Variants in NTAQ1 observed in about 807,000 individuals in gnomAD.
NTAQ1 encodes N-terminal glutamine amidase 1, also known as protein N-terminal glutamine amidohydrolase.
Under a neutral mutation model 28.2 loss-of-function variants are expected in NTAQ1, and 21 were observed. The ratio of observed to expected loss-of-function variants is 0.74; its 90% CI spans 0.53 to 1.07. The LOEUF is 1.07. Ranked by LOEUF, NTAQ1 falls within the 50% of genes least tolerant of loss-of-function variation. NTAQ1 has a pLI of 0.00. For synonymous variants in NTAQ1, 105 were observed against 90.0 expected (o/e 1.17, Z -0.94); for missense variants, 264 against 256.6 (o/e 1.03, Z -0.20).
chr8:123,419,380 T>G, intron 1 of NTAQ1, among the ~76,000 whole-genome samples: 1 of 152,138 alleles, frequency 6.6e-6, no homozygotes, highest in Non-Finnish European at 1.5e-5. Flanking sequence ...ATTACAGGTG[T>G]GAGTCACCGT....
intron 5 of NTAQ1, among the ~76,000 whole-genome samples, chr8:123,440,146 C>CTTTTTTTTTTTTTT (rs577877415): frequency 1.8e-5 from 1 of 56,570 alleles, no homozygotes; most frequent in African/African-American, 7.5e-5. Context: ...GGATTAACTC[C>CTTTTTTTTTTTTTT]TTTTTTTTTT....
At chr8:123,465,537 A>G (rs1815939555) in intron 6 of NTAQ1, among the ~76,000 whole-genome samples, 1 of 133,654 alleles carries the variant, frequency 7.5e-6, no homozygotes, top group Non-Finnish European at 1.6e-5. Flanking sequence ...TATAGTACGT[A>G]CCCTTTTGAG....
downstream of NTAQ1, among the ~76,000 whole-genome samples, chr8:123,444,017 A>G (rs142002291): frequency 1.0e-3 from 155 of 148,818 alleles, no homozygotes; most frequent in African/African-American, 3.6e-3. Context: ...ACTGTTATTT[A>G]TGTCTCTCTG....
downstream of NTAQ1, among the ~76,000 whole-genome samples, chr8:123,446,933 A>G (rs1815314828): frequency 6.6e-6 from 1 of 152,180 alleles, no homozygotes; most frequent in African/African-American, 2.4e-5. Context: ...GAAGCCTGCA[A>G]GTTTTGACCA....
chr8:123,439,641 G>A (rs986695977), intron 5 of NTAQ1, among the ~76,000 whole-genome samples: 5 of 151,268 alleles, frequency 3.3e-5, no homozygotes, highest in Admixed American at 6.6e-5. Context: ...CCACCGCGCC[G>A]GCCACACCTG....
At chr8:123,434,914 CTT>C (rs941014975) in intron 3 of NTAQ1, among the ~76,000 whole-genome samples, 3 of 152,066 alleles carry the variant, frequency 2.0e-5, no homozygotes, top group African/African-American at 7.2e-5. Flanking sequence ...ATTTTTGAAT[CTT>C]TCTGTTTTGC....
At chr8:123,435,409 A>G in intron 3 of NTAQ1, 1 of 950,656 alleles carries the variant, frequency 1.1e-6, no homozygotes, top group Non-Finnish European at 1.3e-6. Flanking sequence ...GTGGTTCCAA[A>G]CTAGAAATTA....
downstream of NTAQ1, among the ~76,000 whole-genome samples, chr8:123,449,958 T>TGTGC (rs1453165844): frequency 1.9e-5 from 1 of 52,992 alleles, no homozygotes; most frequent in African/African-American, 6.4e-5. Context: ...TGCATATATA[T>TGTGC]ATATATATAT....
chr8:123,430,046 A>C lies in NTAQ1; in HGVS notation c.234+13A>C. ...ACCTGTGATCTGGGTAAGACAGTTA[A>C]TACAGAGAGTATTGACGCATTATGA... is the stretch of plus-strand genomic sequence containing the variant. On this transcript the variant is annotated intron_variant, in intron 3 of 5. Coordinates refer to ENST00000287387, the MANE Select transcript of NTAQ1 (RefSeq NM_018024.3). 1 of 1,610,136 alleles carries C rather than the reference A, an allele frequency of 6.2e-7. No homozygotes were observed. The highest frequency in any genetic ancestry group is 8.5e-7 in the Non-Finnish European group (1 of 1,177,310).
At chr8:123,460,235 A>C (rs1815782486) in intron 6 of NTAQ1, among the ~76,000 whole-genome samples, 1 of 152,228 alleles carries the variant, frequency 6.6e-6, no homozygotes, top group African/African-American at 2.4e-5. Context: ...GCACTGCTCA[A>C]AACTACTTAT....
chr8:123,423,611 C>T (rs1046550392), intron 1 of NTAQ1, among the ~76,000 whole-genome samples: 1 of 151,942 alleles, frequency 6.6e-6, no homozygotes, highest in African/African-American at 2.4e-5. Context: ...CTTGTATTTC[C>T]GAGTATAAGA....
chr8:123,459,917 C>T (rs572490031), intron 6 of NTAQ1, among the ~76,000 whole-genome samples: 2 of 151,414 alleles, frequency 1.3e-5, no homozygotes, highest in South Asian at 4.2e-4. Flanking sequence ...TCTCCTGCCT[C>T]AGCCTCCCAA....
At chr8:123,467,467 T>C (rs1238622192) in exon 7 of NTAQ1, among the ~76,000 whole-genome samples, 1 of 152,244 alleles carries the variant, frequency 6.6e-6, no homozygotes, top group Admixed American at 6.5e-5. Context: ...AAGTACCATT[T>C]TGATGTTTGA....
intron 6 of NTAQ1, among the ~76,000 whole-genome samples, chr8:123,460,053 GC>G (rs1278658166): frequency 6.6e-6 from 1 of 151,906 alleles, no homozygotes; most frequent in East Asian, 1.9e-4. Context: ...GCCTGCCTCG[GC>G]CCCCCAAAGG....
chr8:123,416,763 C>G (rs1473485794), upstream of NTAQ1: 22 of 1,303,468 alleles, frequency 1.7e-5, no homozygotes, highest in Non-Finnish European at 2.1e-5. Flanking sequence ...CGCCGGGAAC[C>G]CACGCGGGCC....
At chr8:123,434,126 C>T (rs544841906) in intron 3 of NTAQ1, among the ~76,000 whole-genome samples, 1 of 151,966 alleles carries the variant, frequency 6.6e-6, no homozygotes, top group Non-Finnish European at 1.5e-5. Context: ...CAGGCGCTTA[C>T]CTGCTCCTGC....
downstream of NTAQ1, among the ~76,000 whole-genome samples, chr8:123,452,368 C>CG: frequency 6.6e-6 from 1 of 152,184 alleles, no homozygotes; most frequent in East Asian, 1.9e-4. Context: ...AGGCCAACGC[C>CG]GGTGGATCAC....
At chr8:123,474,343 C>A (rs1032053523), downstream of NTAQ1, among the ~76,000 whole-genome samples, 1 of 152,158 alleles carries the variant, frequency 6.6e-6, no homozygotes, top group Non-Finnish European at 1.5e-5. Flanking sequence ...GAAAGCTGGT[C>A]AGTAACCTTG....
Position 123,441,518 on chromosome 8 carries a change from T to G in NTAQ1, c.*103T>G. On this transcript the variant is annotated 3_prime_UTR_variant, in exon 6 of 6. Coordinates refer to ENST00000287387, the MANE Select transcript of NTAQ1 (RefSeq NM_018024.3). ...TTATGGTACAGTTGGCTTGGAATTA[T>G]GTCTTTCTCTTTTAATTTGATTGAG... 1 of 859,758 alleles carries G rather than the reference T, an allele frequency of 1.2e-6. No individual in the cohort carries two copies. The highest frequency in any genetic ancestry group is 1.9e-6 in the Non-Finnish European group (1 of 538,998). The allele number at this position is 859,758 out of a possible 1,614,324, so 53.3% of individuals were successfully genotyped here.
Sources: allele counts gnomAD v4.1 joint callset (sites outside exome capture counted in the v4.1 genomes callset), GRCh38; gene constraint gnomAD v4.1.1; transcripts MANE v1.5; gene names NCBI Gene and HGNC (gene_info 2026-07-23, HGNC 2026-07-21).